The following HSD17B4 variants were observed in gnomAD, a reference collection of about 807,000 sequenced individuals.
The protein encoded by HSD17B4 is hydroxysteroid 17-beta dehydrogenase 4, also known as peroxisomal multifunctional enzyme type 2.
In HSD17B4, 70 loss-of-function variants were observed where a neutral mutation model predicts 101.0. The observed-to-expected ratio is 0.69, with a 90% CI of 0.57 to 0.85. The LOEUF is 0.85. Ranked by LOEUF, HSD17B4 falls within the 40% of genes least tolerant of loss-of-function variation. The probability of loss-of-function intolerance (pLI) is 0.00; values close to 1 mark genes in which losing one functional copy is unlikely to be tolerated. For synonymous variants in HSD17B4, 347 were observed against 297.1 expected, an observed-to-expected ratio of 1.17 and a Z score of -1.73; for missense variants, 984 against 892.4, an observed-to-expected ratio of 1.10 and a Z score of -1.31.
In HSD17B4 at chr5:119,541,924, T is replaced by C. The variant is rs1272026396; in HGVS notation, c.2141T>C (p.Leu714Pro). Residue 714 changes from leucine to proline, a missense_variant, in exon 24 of 24, where the codon CTG becomes CCG. Leu to Pro is a moderately conservative substitution (Grantham distance 98). Transcript: ENST00000510025. ...TTGCAGGCATTCTTTAGTGGCAGGC[T>C]GAAGGCCAGAGGGAACATCATGCTG... is the stretch of plus-strand genomic sequence containing the variant. ...DPQKAFFSGR[L>P]KARGNIMLSQ... The C allele has an allele frequency of 1.9e-6, 3 of 1,612,360 alleles. No individual in the cohort carries two copies. Among genetic ancestry groups the C allele is most frequent in the Non-Finnish European group, 1.7e-6 (2 of 1,178,826 alleles).
intron 23 of HSD17B4, among the ~76,000 whole-genome samples, chr5:119,539,444 A>AGGGGGGGGGGGGG (rs144824445): frequency 1.1e-5 from 1 of 92,508 alleles, no homozygotes; most frequent in Admixed American, 1.1e-4. Context: ...GGGTTGGGGG[A>AGGGGGGGGGGGGG]GGGGGGGAGG....
intron 17 of HSD17B4, among the ~76,000 whole-genome samples, chr5:119,515,858 C>T (rs1176575021): frequency 6.6e-6 from 1 of 151,984 alleles, no homozygotes; most frequent in Non-Finnish European, 1.5e-5. Flanking sequence ...GTGGGGCCTA[C>T]TGGAGGGTAG....
intron 14 of HSD17B4, among the ~76,000 whole-genome samples, chr5:119,505,109 T>G (rs1227091432): frequency 1.3e-5 from 2 of 151,878 alleles, no homozygotes; most frequent in Non-Finnish European, 2.9e-5. Flanking sequence ...ATTGGTCTTT[T>G]CTTGTACCAG....
intron 17 of HSD17B4, among the ~76,000 whole-genome samples, chr5:119,515,275 T>TATTAGTCA (rs1313427274): frequency 1.3e-5 from 2 of 152,192 alleles, no homozygotes; most frequent in African/African-American, 2.4e-5. Flanking sequence ...AATGGTTTTT[T>TATTAGTCA]ATTAGTCAAT....
At chr5:119,479,422 T>C (rs999815842) in intron 8 of HSD17B4, among the ~76,000 whole-genome samples, 1 of 152,202 alleles carries the variant, frequency 6.6e-6, no homozygotes, top group African/African-American at 2.4e-5. Flanking sequence ...GTTATTAACA[T>C]CTTTGGTCAG....
chr5:119,490,449 TAA>T (rs1186988027), intron 9 of HSD17B4, among the ~76,000 whole-genome samples: 15 of 152,226 alleles, frequency 9.9e-5, no homozygotes, highest in African/African-American at 3.6e-4. Context: ...TTCGAATATA[TAA>T]GACCATATAA....
rs1748707639 is a variant in HSD17B4 at position 119,477,570 on chromosome 5, A to G, written c.434+69A>G. 7.0e-6 allele frequency: 7 copies of G among 998,414 alleles called. No homozygotes were observed. The East Asian group carries it at 1.4e-4, about 20-fold the overall frequency. The allele number at this position is 998,414 out of a possible 1,614,324, so 61.8% of individuals were successfully genotyped here. ...TCTGGGGGTTCTTGTGTACAGGGAA[A>G]GATTATGTGAAGTGTTGTGAAATGA... On this transcript the variant is annotated intron_variant, in intron 7 of 23. Transcript: ENST00000510025.
At chr5:119,471,619 C>T in intron 2 of HSD17B4, 1 of 1,196,806 alleles carries the variant, frequency 8.4e-7, no homozygotes, top group Non-Finnish European at 1.1e-6. Flanking sequence ...TAATTAGTAA[C>T]TTTTTTATTG....
chr5:119,492,854 G>GTGTC (rs1191703458), intron 10 of HSD17B4: 1 of 151,986 alleles, frequency 6.6e-6, no homozygotes, highest in African/African-American at 2.4e-5. Context: ...GAAAATTTCT[G>GTGTC]TGTCTCAGCT....
Position 119,531,184 on chromosome 5 carries a change from T to A in HSD17B4, c.1855-82T>A, listed in dbSNP as rs34554885. The stretch of plus-strand genomic sequence containing the variant: ...ATGTACAGAGTTTTAAAAAATCTTT[T>A]TTTTGCACATGTTTTATAATCACTT... On this transcript the variant is annotated intron_variant, in intron 21 of 23. Coordinates refer to ENST00000510025, the MANE Select transcript of HSD17B4 (RefSeq NM_000414.4). The A allele has an allele frequency of 0.034, 48,703 of 1,431,454 alleles. 5,943 individuals are homozygous for A. The East Asian group carries it at 0.47, about 14-fold the overall frequency. 88.7% of individuals were successfully genotyped at this position (1,431,454 alleles called of 1,614,324 possible).
Position 119,492,129 on chromosome 5 carries a change from GTC to G in HSD17B4, c.739+12_739+13del. 2.5e-6 allele frequency: 4 copies of G among 1,604,384 alleles called. No individual in the cohort carries two copies. Among genetic ancestry groups the G allele is most frequent in the East Asian group, 2.2e-5 (1 of 44,788 alleles). ...GAGCAGGATGGATTGGAAAATGTAA[GTC>G]TCTCTCAGTTTTTGGTTTGTATAGA... On this transcript the variant is annotated splice_donor_region_variant and intron_variant, in intron 10 of 23. Transcript: ENST00000510025.
intron 17 of HSD17B4, among the ~76,000 whole-genome samples, chr5:119,518,139 A>G (rs998533692): frequency 6.6e-6 from 1 of 151,512 alleles, no homozygotes; most frequent in Non-Finnish European, 1.5e-5. Context: ...TTGTTCTTTC[A>G]CTCTTTGCAA....
rs758045328 is a variant in HSD17B4, at chr5:119,525,939, T to C, written c.1596T>C (p.His532=). 3 of 1,608,588 alleles carry C rather than the reference T, an allele frequency of 1.9e-6. No homozygotes were observed. The highest frequency in any genetic ancestry group is 2.2e-5 in the East Asian group (1 of 44,798). ...TAGGTTTTGACAAGCCCATATTACA[T>C]GGATTATGTACATTTGGATTTTCTG... ...SLAGFDKPIL[H]GLCTFGFSAR... is the part of the protein sequence containing the mutation. Residue 532 remains histidine, a synonymous_variant, in exon 19 of 24, where the codon CAT becomes CAC. Transcript: ENST00000510025.
intron 16 of HSD17B4, among the ~76,000 whole-genome samples, chr5:119,509,852 T>C (rs1403870875): frequency 6.6e-6 from 1 of 152,252 alleles, no homozygotes; most frequent in Admixed American, 6.5e-5. Context: ...TAGCTCATTT[T>C]ATTGTAATAA....
At chr5:119,514,875 C>A in intron 16 of HSD17B4, 106 bp from the exon 17 acceptor site, 5 of 746,000 alleles carry the variant, frequency 6.7e-6, no homozygotes, top group Non-Finnish European at 1.2e-5. Context: ...ATCCAATTTG[C>A]AGAGTTTATT....
chr5:119,466,111 A>G (rs992999340), intron 2 of HSD17B4, among the ~76,000 whole-genome samples: 2 of 152,196 alleles, frequency 1.3e-5, no homozygotes, highest in African/African-American at 4.8e-5. Flanking sequence ...TTGATGTGAT[A>G]TCACATTTAT....
chr5:119,480,749 G>A (rs1749046009), intron 8 of HSD17B4, among the ~76,000 whole-genome samples: 1 of 152,156 alleles, frequency 6.6e-6, no homozygotes, highest in African/African-American at 2.4e-5. Flanking sequence ...ATGGGAGACT[G>A]GAGTTTATTT....
At chr5:119,498,023 C>G (rs1305955781) in intron 12 of HSD17B4, among the ~76,000 whole-genome samples, 1 of 152,156 alleles carries the variant, frequency 6.6e-6, no homozygotes, top group African/African-American at 2.4e-5. Flanking sequence ...AAGTAAAATG[C>G]TTCCCATTGA....
At chr5:119,462,890 A>G (rs903576127) in intron 2 of HSD17B4, among the ~76,000 whole-genome samples, 1 of 152,174 alleles carries the variant, frequency 6.6e-6, no homozygotes. Context: ...ATTTGAAAAT[A>G]TAGTATAAAT....
Sources: gnomAD v4.1 joint callset for allele counts (sites outside exome capture counted in the v4.1 genomes callset) on GRCh38, gnomAD v4.1.1 for gene constraint, MANE v1.5 for transcripts, NCBI Gene and HGNC (gene_info 2026-07-23, HGNC 2026-07-21) for gene names.